Variants in NEBL observed in about 807,000 individuals in gnomAD.
NEBL encodes nebulette.
In NEBL, 122 loss-of-function variants were observed where a neutral mutation model predicts 140.2. The ratio of observed to expected loss-of-function variants is 0.87; its 90% CI spans 0.75 to 1.01. The LOEUF (loss-of-function observed/expected upper bound fraction) is 1.01, where lower values mean the gene tolerates loss of function less well. Among genes scored for constraint, NEBL ranks in the 50% least tolerant of loss-of-function variants. The pLI, the probability that NEBL is intolerant of heterozygous loss-of-function variation, is 0.00. For synonymous variants in NEBL, 436 were observed against 398.9 expected (o/e 1.09, Z -1.11); for missense variants, 1,365 against 1,231.3 (o/e 1.11, Z -1.62).
At chr10:20,808,429 G>A (rs1837808932) in intron 26 of NEBL, 81 bp downstream of exon 26, 1 of 1,435,722 alleles carries the variant, frequency 7.0e-7, no homozygotes, top group Non-Finnish European at 9.8e-7. Context: ...TCATGCAAAA[G>A]TGAAAAGAAT....
chr10:20,879,130 C>T (rs1346758286), intron 5 of NEBL, among the ~76,000 whole-genome samples: 3 of 152,170 alleles, frequency 2.0e-5, no homozygotes, highest in South Asian at 2.1e-4. Context: ...TTTTGCTCCC[C>T]ATTTTTAAAA....
intron 4 of NEBL, among the ~76,000 whole-genome samples, chr10:20,946,670 G>T (rs1193238954): frequency 6.6e-6 from 1 of 152,050 alleles, no homozygotes; most frequent in Non-Finnish European, 1.5e-5. Flanking sequence ...CCACGCTGTT[G>T]GCCAGGCTGG....
At chr10:21,168,269 A>G (rs778779905) in intron 2 of NEBL, among the ~76,000 whole-genome samples, 34 of 152,206 alleles carry the variant, frequency 2.2e-4, no homozygotes, top group Non-Finnish European at 3.2e-4. Context: ...TTTTCTTACA[A>G]TAATTCCAAA....
At chr10:20,990,262 C>A (rs1837408173) in intron 3 of NEBL, among the ~76,000 whole-genome samples, 1 of 152,140 alleles carries the variant, frequency 6.6e-6, no homozygotes, top group Admixed American at 6.5e-5. Flanking sequence ...GCTTAAAACC[C>A]CTGCTTTGAA....
intron 2 of NEBL, among the ~76,000 whole-genome samples, chr10:21,094,375 G>A (rs537236731): frequency 2.2e-4 from 33 of 152,104 alleles, no homozygotes; most frequent in East Asian, 1.7e-3. Context: ...AGTGGCAGGC[G>A]CCTGTAGTCC....
At chr10:20,827,243 C>A (rs773239021) in intron 17 of NEBL, among the ~76,000 whole-genome samples, 1 of 152,136 alleles carries the variant, frequency 6.6e-6, no homozygotes, top group Admixed American at 6.6e-5. Flanking sequence ...CAGTGGCCCC[C>A]GCGTGGGTGG....
intron 4 of NEBL, among the ~76,000 whole-genome samples, chr10:20,916,020 T>G: frequency 6.6e-6 from 1 of 152,250 alleles, no homozygotes. Context: ...CAGACTGTCT[T>G]TCTACGATAA....
intron 2 of NEBL, among the ~76,000 whole-genome samples, chr10:21,151,373 A>G (rs1337812169): frequency 1.3e-5 from 2 of 152,138 alleles, no homozygotes; most frequent in Non-Finnish European, 2.9e-5. Flanking sequence ...GGTTCATTTT[A>G]ATGACAAAAT....
At chr10:21,168,288 C>G (rs1270664591) in intron 2 of NEBL, among the ~76,000 whole-genome samples, 1 of 152,108 alleles carries the variant, frequency 6.6e-6, no homozygotes, top group Non-Finnish European at 1.5e-5. Context: ...AATGTCTATG[C>G]TCATGGTTTC....
chr10:21,217,880 C>G (rs1589333167), intron 3 of NEBL: 1 of 152,250 alleles, frequency 6.6e-6, no homozygotes, highest in Admixed American at 6.5e-5. Context: ...GCTAAGATGG[C>G]GACTTACTCT....
chr10:21,236,414 C>T, intron 3 of NEBL, among the ~76,000 whole-genome samples: 1 of 144,426 alleles, frequency 6.9e-6, no homozygotes, highest in African/African-American at 2.6e-5. Flanking sequence ...GTGGTGCAAT[C>T]TCAGCCCACT....
chr10:20,903,868 A>C (rs775780953), intron 4 of NEBL, among the ~76,000 whole-genome samples: 1 of 122,516 alleles, frequency 8.2e-6, no homozygotes, highest in Non-Finnish European at 1.6e-5. Flanking sequence ...GGAGACTCAG[A>C]AGGGAGAAGG....
At position 21,062,856 on chromosome 10, in the gene NEBL, AT is replaced by A. The variant is rs750931831; in HGVS notation, c.165-42656del. Among the ~76,000 whole-genome samples the A allele has an allele frequency of 1.7e-3, 262 of 151,542 alleles. 1 individual carries two copies. The highest frequency in any genetic ancestry group is 4.5e-3 in the African/African-American group (187 of 41,324). ...GGAAGGTAACAATGCTGTGATATCA[AT>A]TTTTTTTTAATGTTTTAAGCATTTG... On this transcript the variant is annotated intron_variant, in intron 2 of 6. Transcript: ENST00000417816.
chr10:21,274,143 A>C (rs80020510), intron 1 of NEBL, among the ~76,000 whole-genome samples: 2,137 of 152,318 alleles, frequency 0.014, 35 homozygotes, highest in Non-Finnish European at 0.02. Flanking sequence ...AGAGAGGCCC[A>C]GTAACAAGAA....
chr10:20,933,916 TTAG>T (rs1834335461), intron 4 of NEBL, among the ~76,000 whole-genome samples: 1 of 152,168 alleles, frequency 6.6e-6, no homozygotes, highest in African/African-American at 2.4e-5. Flanking sequence ...TCACCAACTA[TTAG>T]GAGTTTCTCA....
chr10:21,163,225 T>C (rs945006244), intron 2 of NEBL, among the ~76,000 whole-genome samples: 3 of 152,010 alleles, frequency 2.0e-5, no homozygotes, highest in South Asian at 2.1e-4. Context: ...CTATAAGCAA[T>C]AGGGAGCCAT....
intron 2 of NEBL, among the ~76,000 whole-genome samples, chr10:21,039,960 G>T (rs1020099218): frequency 1.3e-5 from 2 of 152,174 alleles, no homozygotes; most frequent in Non-Finnish European, 2.9e-5. Context: ...TGATCCTTTT[G>T]ACTGGCAGAG....
intron 2 of NEBL, among the ~76,000 whole-genome samples, chr10:21,144,262 A>G (rs1049467365): frequency 6.6e-6 from 1 of 152,196 alleles, no homozygotes; most frequent in East Asian, 1.9e-4. Flanking sequence ...ACACCTGCAG[A>G]TGGGGCTGGA....
chr10:21,075,958 A>G (rs1040047737), intron 2 of NEBL, among the ~76,000 whole-genome samples: 2 of 152,190 alleles, frequency 1.3e-5, no homozygotes, highest in African/African-American at 4.8e-5. Flanking sequence ...CATTAGGGAA[A>G]TGCAAATCAA....
Sources: allele counts gnomAD v4.1 joint callset (sites outside exome capture counted in the v4.1 genomes callset), GRCh38; gene constraint gnomAD v4.1.1; transcripts MANE v1.5; gene names NCBI Gene and HGNC (gene_info 2026-07-23, HGNC 2026-07-21).